The following WDFY4 variants were observed in gnomAD, a reference collection of about 807,000 sequenced individuals.
The protein encoded by WDFY4 is WDFY family member 4, also known as WD repeat- and FYVE domain-containing protein 4.
In WDFY4, 169 loss-of-function variants were observed where a neutral mutation model predicts 351.9. The ratio of observed to expected loss-of-function variants is 0.48; its 90% CI spans 0.42 to 0.55. The LOEUF (loss-of-function observed/expected upper bound fraction) is 0.55. Ranked by LOEUF, WDFY4 falls within the 20% of genes least tolerant of loss-of-function variation. The pLI, the probability that WDFY4 is intolerant of heterozygous loss-of-function variation, is 0.00. For missense variants in WDFY4, 3,803 were observed against 3,935.6 expected (o/e 0.97, Z 0.90); for synonymous variants, 1,622 against 1,574.6 (o/e 1.03, Z -0.71).
intron 58 of WDFY4, 100 bp downstream of exon 58, chr10:48,975,141 C>G: frequency 6.7e-7 from 1 of 1,490,274 alleles, no homozygotes; most frequent in Non-Finnish European, 9.1e-7. Flanking sequence ...TCTAGCCACC[C>G]CAGAATGCTG....
At chr10:48,711,911 G>A (rs1334898296) in intron 2 of WDFY4, among the ~76,000 whole-genome samples, 1 of 152,176 alleles carries the variant, frequency 6.6e-6, no homozygotes, top group Non-Finnish European at 1.5e-5. Flanking sequence ...TATGGGAGGG[G>A]TTATGGGGTT....
At chr10:48,979,597 GGA>G (rs1168790039) in intron 60 of WDFY4, 7 of 151,854 alleles carry the variant, frequency 4.6e-5, no homozygotes, top group Non-Finnish European at 8.8e-5. Context: ...ATGGATGGAT[GGA>G]TGGATGGATG....
intron 23 of WDFY4, 143 bp from the exon 24 acceptor site, chr10:48,796,155 T>C (rs1323409001): frequency 5.2e-6 from 5 of 970,460 alleles, no homozygotes; most frequent in Non-Finnish European, 7.4e-6. Flanking sequence ...GAAGTTGATG[T>C]GTATTTTTCT....
In WDFY4 at chr10:48,875,117, C is replaced by A; in HGVS notation, c.6977C>A (p.Ser2326Tyr). ...AGCCAAGACAAAAATGATCATATTT[C>A]TCAAACAAATGCTGAAAACCAAGGT... ...KESQDKNDHISQTNAENQDEL... is the reference protein window; with the variant it reads ...KESQDKNDHIYQTNAENQDEL... The change falls in exon 42 of 62, where the codon TCT becomes TAT. Residue 2326 changes from serine to tyrosine, a missense_variant. Transcript: ENST00000325239. 6.7e-7 allele frequency: 1 copy of A among 1,490,990 alleles called. No homozygotes were observed. Among genetic ancestry groups the A allele is most frequent in the East Asian group, 2.7e-5 (1 of 37,386 alleles). The allele number at this position is 1,490,990 out of a possible 1,614,324, so 92.4% of individuals were successfully genotyped here.
intron 60 of WDFY4, chr10:48,979,084 A>G (rs1842698529): frequency 6.6e-6 from 1 of 152,234 alleles, no homozygotes; most frequent in Non-Finnish European, 1.5e-5. Context: ...CCTAGGCTCT[A>G]TATTAGTGGT....
At position 48,735,890 on chromosome 10, in the gene WDFY4, G is replaced by A. The variant is rs952404652; in HGVS notation, c.1698G>A (p.Lys566=). 1.3e-6 allele frequency: 2 copies of A among 1,551,456 alleles called. No homozygotes were observed. The highest frequency in any genetic ancestry group is 2.7e-5 in the African/African-American group (2 of 73,050). The change falls in exon 11 of 62, where the codon AAG becomes AAA. Residue 566 remains lysine (K), a synonymous_variant. Transcript: ENST00000325239. ...KGSVRNAVVL[K]DHGMVPFIKI... The stretch of plus-strand genomic sequence containing the variant: ...CTGTCTGATCCTTAGTTGTCCTGAA[G>A]GACCACGGCATGGTGCCCTTCATCA...
At chr10:48,874,572 A>C (rs551443522) in intron 41 of WDFY4, among the ~76,000 whole-genome samples, 7 of 152,346 alleles carry the variant, frequency 4.6e-5, no homozygotes, top group Non-Finnish European at 8.8e-5. Flanking sequence ...TAGATACTTA[A>C]ATTTTCTAAG....
At chr10:48,794,303 G>A (rs778964646) in intron 23 of WDFY4, among the ~76,000 whole-genome samples, 13 of 152,190 alleles carry the variant, frequency 8.5e-5, no homozygotes, top group Admixed American at 6.5e-4. Flanking sequence ...GACCTGGGGA[G>A]TCTCAGGATC....
intron 47 of WDFY4, chr10:48,913,888 C>G (rs2133503355): frequency 6.2e-7 from 1 of 1,614,130 alleles, no homozygotes; most frequent in Non-Finnish European, 8.5e-7. Context: ...CCAATGGACT[C>G]AGGCAGCTTG....
chr10:48,826,248 C>T (rs575479039), intron 35 of WDFY4, among the ~76,000 whole-genome samples: 1 of 152,188 alleles, frequency 6.6e-6, no homozygotes, highest in African/African-American at 2.4e-5. Context: ...TCAGGTTTGT[C>T]GAAGATCAGA....
At chr10:48,856,832 T>C (rs1004100336) in intron 39 of WDFY4, among the ~76,000 whole-genome samples, 11 of 152,174 alleles carry the variant, frequency 7.2e-5, no homozygotes, top group African/African-American at 2.4e-4. Context: ...TATTATGCAA[T>C]ATAGAAAAAT....
chr10:48,751,611 G>C (rs1168515924), intron 12 of WDFY4, among the ~76,000 whole-genome samples: 1 of 152,246 alleles, frequency 6.6e-6, no homozygotes, highest in Non-Finnish European at 1.5e-5. Flanking sequence ...TTTGGAAGAG[G>C]ATGGTGGCTG....
chr10:48,719,188 G>T (rs2071521903), intron 2 of WDFY4, among the ~76,000 whole-genome samples: 1 of 152,116 alleles, frequency 6.6e-6, no homozygotes, highest in African/African-American at 2.4e-5. Flanking sequence ...TTATATTATG[G>T]CCTATCTAAC....
At chr10:48,708,750 G>T (rs2063697269) in intron 1 of WDFY4, among the ~76,000 whole-genome samples, 1 of 152,136 alleles carries the variant, frequency 6.6e-6, no homozygotes, top group African/African-American at 2.4e-5. Context: ...CTGCTCCTGT[G>T]TGCACTTAGA....
In WDFY4 at chr10:48,772,313, G is replaced by A. The variant is rs114442166; in HGVS notation, c.2554-2145G>A. Among the ~76,000 whole-genome samples the A allele has an allele frequency of 4.1e-3, 626 of 152,236 alleles. 2 individuals are homozygous for A. Among genetic ancestry groups the A allele is most frequent in the African/African-American group, 0.014 (591 of 41,542 alleles). On this transcript the variant is annotated intron_variant, in intron 13 of 61. Coordinates refer to ENST00000325239, the MANE Select transcript of WDFY4 (RefSeq NM_001394531.1). The stretch of plus-strand genomic sequence containing the variant: ...GAGGGCACTGGCCTCATTGGCTCCA[G>A]CCTGGAGTATGTGTGTGTGTGCACA...
chr10:48,955,351 C>T (rs1841534598), intron 51 of WDFY4, among the ~76,000 whole-genome samples: 2 of 152,142 alleles, frequency 1.3e-5, no homozygotes, highest in Admixed American at 1.3e-4. Flanking sequence ...GGGGAATGAC[C>T]CACAGATCTC....
At chr10:48,706,693 A>G (rs1589424921) in intron 1 of WDFY4, among the ~76,000 whole-genome samples, 1 of 152,232 alleles carries the variant, frequency 6.6e-6, no homozygotes, top group Non-Finnish European at 1.5e-5. Flanking sequence ...AAATTTATCT[A>G]TCTTTAGATC....
intron 39 of WDFY4, among the ~76,000 whole-genome samples, chr10:48,864,047 T>C (rs987364567): frequency 2.6e-5 from 4 of 152,114 alleles, no homozygotes; most frequent in African/African-American, 9.7e-5. Context: ...TGATGGGGAT[T>C]TGGGGGATTG....
chr10:48,810,402 CATA>C (rs1201616995), intron 28 of WDFY4, 125 bp from the exon 29 acceptor site: 2 of 788,868 alleles, frequency 2.5e-6, no homozygotes, highest in Admixed American at 6.2e-5. Context: ...AAATGTAATA[CATA>C]ATAAGTGATG....
Sources: allele counts gnomAD v4.1 joint callset (sites outside exome capture counted in the v4.1 genomes callset), GRCh38; gene constraint gnomAD v4.1.1; transcripts MANE v1.5; gene names NCBI Gene and HGNC (gene_info 2026-07-23, HGNC 2026-07-21).